The following GOLIM4 variants were observed in gnomAD, a reference collection of about 807,000 sequenced individuals.
GOLIM4 encodes 130 kDa golgi-localized phosphoprotein.
In GOLIM4, 71 loss-of-function variants were observed where a neutral mutation model predicts 107.4. The ratio of observed to expected loss-of-function variants is 0.66; its 90% CI spans 0.55 to 0.81. GOLIM4 has a LOEUF of 0.81. GOLIM4 is among the 30% of genes least tolerant of loss of function. The pLI is 0.00. For synonymous variants in GOLIM4, 327 were observed against 294.8 expected, an observed-to-expected ratio of 1.11 and a Z score of -1.12; for missense variants, 830 against 826.1, an observed-to-expected ratio of 1.00 and a Z score of -0.06.
At chr3:168,093,584 TG>T (rs548617341) in intron 1 of GOLIM4, among the ~76,000 whole-genome samples, 10 of 152,320 alleles carry the variant, frequency 6.6e-5, no homozygotes, top group Non-Finnish European at 7.3e-5. Context: ...TCTGACTCCA[TG>T]GAACTTCACA....
intron 1 of GOLIM4, among the ~76,000 whole-genome samples, chr3:168,072,662 G>A (rs1720892314): frequency 6.6e-6 from 1 of 152,052 alleles, no homozygotes; most frequent in African/African-American, 2.4e-5. Context: ...TGGAGGGGGT[G>A]GGTGTCTTTT....
intron 1 of GOLIM4, among the ~76,000 whole-genome samples, chr3:168,051,442 T>A (rs1039106693): frequency 6.6e-6 from 1 of 152,200 alleles, no homozygotes; most frequent in African/African-American, 2.4e-5. Flanking sequence ...TTATAAACTT[T>A]CATAAATAAC....
At chr3:168,061,713 CA>C (rs761799626) in intron 1 of GOLIM4, among the ~76,000 whole-genome samples, 2 of 152,166 alleles carry the variant, frequency 1.3e-5, no homozygotes, top group Non-Finnish European at 2.9e-5. Flanking sequence ...TGAATGATTA[CA>C]TTTATAAAAA....
chr3:168,054,820 A>C (rs1034054423), intron 1 of GOLIM4, among the ~76,000 whole-genome samples: 1 of 152,048 alleles, frequency 6.6e-6, no homozygotes, highest in African/African-American at 2.4e-5. Flanking sequence ...GAATTCTCAC[A>C]TGTGGTGGGA....
At chr3:168,044,485 T>C (rs113818677) in intron 4 of GOLIM4, among the ~76,000 whole-genome samples, 1 of 152,236 alleles carries the variant, frequency 6.6e-6, no homozygotes, top group African/African-American at 2.4e-5. Flanking sequence ...GCCTCCAATC[T>C]GTGTAAGATA....
Position 168,010,279 on chromosome 3 carries a change from G to A in GOLIM4, c.2081C>T (p.Ala694Val). Residue 694 changes from alanine (A) to valine (V), a missense_variant, in exon 16 of 16, where the codon GCT becomes GTT. By Grantham distance (64) the Ala-to-Val change is moderately conservative (BLOSUM62 0). Transcript: ENST00000470487. ...AAVAEKSHRRAEM is the reference protein window; with the variant it reads ...AAVAEKSHRRVEM ...AGAAATTGGGTGCCGCTACATTTCA[G>A]CTCTTCGATGTGATTTCTCAGCAAC... The A allele has an allele frequency of 6.2e-7, 1 of 1,611,760 alleles. No homozygotes were observed. The highest frequency in any genetic ancestry group is 1.1e-5 in the South Asian group (1 of 90,390).
At chr3:168,070,601 A>G (rs1720786142) in intron 1 of GOLIM4, among the ~76,000 whole-genome samples, 1 of 152,202 alleles carries the variant, frequency 6.6e-6, no homozygotes, top group South Asian at 2.1e-4. Flanking sequence ...ATAAAACCCA[A>G]ATGAATTGTT....
At chr3:168,023,714 G>A (rs889406299) in intron 14 of GOLIM4, among the ~76,000 whole-genome samples, 1 of 152,194 alleles carries the variant, frequency 6.6e-6, no homozygotes, top group Non-Finnish European at 1.5e-5. Flanking sequence ...GGTCCATAAT[G>A]AGACTAAATA....
intron 1 of GOLIM4, among the ~76,000 whole-genome samples, chr3:168,066,455 T>C (rs1398812825): frequency 6.6e-6 from 1 of 152,192 alleles, no homozygotes; most frequent in African/African-American, 2.4e-5. Flanking sequence ...TATTTGCTGT[T>C]ATTTTTTCAT....
At chr3:168,058,589 T>C (rs1194548943) in intron 1 of GOLIM4, among the ~76,000 whole-genome samples, 1 of 152,118 alleles carries the variant, frequency 6.6e-6, no homozygotes, top group Non-Finnish European at 1.5e-5. Flanking sequence ...AACAAATAAA[T>C]ACACGTTGTG....
At chr3:168,054,178 T>C (rs1719803673) in intron 1 of GOLIM4, among the ~76,000 whole-genome samples, 1 of 152,240 alleles carries the variant, frequency 6.6e-6, no homozygotes, top group African/African-American at 2.4e-5. Flanking sequence ...TTGAGTCTGC[T>C]TCATAATTTA....
chr3:168,036,726 T>C, intron 8 of GOLIM4, 110 bp downstream of exon 8: 1 of 781,004 alleles, frequency 1.3e-6, no homozygotes, highest in Non-Finnish European at 2.1e-6. Flanking sequence ...TACTAAAATT[T>C]GAGAACTACT....
At chr3:168,057,258 C>CAGGTAGTATCTGTATAG (rs1720030737) in intron 1 of GOLIM4, among the ~76,000 whole-genome samples, 2 of 152,204 alleles carry the variant, frequency 1.3e-5, no homozygotes, top group Non-Finnish European at 2.9e-5. Flanking sequence ...CAATAAACCT[C>CAGGTAGTATCTGTATAG]TTTCTTTTGT....
intron 8 of GOLIM4, 129 bp from the exon 9 acceptor site, chr3:168,032,981 T>A (rs760261471): frequency 2.9e-6 from 2 of 681,870 alleles, no homozygotes; most frequent in Admixed American, 2.7e-5. Flanking sequence ...TATATAGTCC[T>A]GGCTTTATGG....
At chr3:168,071,400 T>A (rs1720821968) in intron 1 of GOLIM4, among the ~76,000 whole-genome samples, 1 of 152,072 alleles carries the variant, frequency 6.6e-6, no homozygotes, top group South Asian at 2.1e-4. Context: ...AAGGACAGAA[T>A]CTTAGCACTG....
At chr3:168,011,703 G>A (rs9870134) in intron 14 of GOLIM4, among the ~76,000 whole-genome samples, 40,601 of 141,468 alleles carry the variant, frequency 0.29, 7,283 homozygotes, top group Non-Finnish European at 0.39. Context: ...ATCTGAGAAC[G>A]GGCAGACTGC....
At chr3:168,044,700 T>C in intron 4 of GOLIM4, 128 bp downstream of exon 4, 1 of 606,888 alleles carries the variant, frequency 1.6e-6, no homozygotes, top group South Asian at 2.2e-5. Context: ...AATAAGATTT[T>C]AAAATGCCAT....
chr3:168,060,212 C>T (rs915337971), intron 1 of GOLIM4, among the ~76,000 whole-genome samples: 1 of 151,924 alleles, frequency 6.6e-6, no homozygotes, highest in African/African-American at 2.4e-5. Flanking sequence ...GTGCATACCA[C>T]CATGCCAGCT....
At chr3:168,015,325 A>G (rs1191851178) in intron 14 of GOLIM4, among the ~76,000 whole-genome samples, 1 of 148,470 alleles carries the variant, frequency 6.7e-6, no homozygotes, top group Non-Finnish European at 1.5e-5. Context: ...CAGGAATCCA[A>G]CTTACAAGGG....
Sources: allele counts gnomAD v4.1 joint callset (sites outside exome capture counted in the v4.1 genomes callset), GRCh38; gene constraint gnomAD v4.1.1; transcripts MANE v1.5; gene names NCBI Gene and HGNC (gene_info 2026-07-23, HGNC 2026-07-21).